LRP1B: variants seen among roughly 807,000 people sequenced by gnomAD.
LRP1B encodes the protein LDL receptor related protein 1B.
In LRP1B, 217 loss-of-function variants were observed where a neutral mutation model predicts 556.6. The ratio of observed to expected loss-of-function variants is 0.39; its 90% CI spans 0.35 to 0.44. The LOEUF (loss-of-function observed/expected upper bound fraction) is 0.44, where lower values mean the gene tolerates loss of function less well. Ranked by LOEUF, LRP1B falls within the 20% of genes least tolerant of loss-of-function variation. The pLI is 1.00. For synonymous variants in LRP1B, 2,047 were observed against 1,865.8 expected, an observed-to-expected ratio of 1.10 and a Z score of -2.50; for missense variants, 5,053 against 5,620.8, an observed-to-expected ratio of 0.90 and a Z score of 3.23.
intron 3 of LRP1B, among the ~76,000 whole-genome samples, chr2:141,264,376 T>C (rs1256523093): frequency 1.3e-5 from 2 of 152,224 alleles, no homozygotes; most frequent in Non-Finnish European, 2.9e-5. Flanking sequence ...ATAATTTAGC[T>C]GTAATAAGGT....
At chr2:141,758,810 T>G (rs1694416871) in intron 2 of LRP1B, among the ~76,000 whole-genome samples, 1 of 152,142 alleles carries the variant, frequency 6.6e-6, no homozygotes, top group South Asian at 2.1e-4. Flanking sequence ...TTAAAAAGTG[T>G]CTCATTTAAA....
chr2:141,158,470 A>T (rs909632296), intron 7 of LRP1B, among the ~76,000 whole-genome samples: 2 of 152,170 alleles, frequency 1.3e-5, no homozygotes, highest in African/African-American at 4.8e-5. Flanking sequence ...AGAAAGCAGC[A>T]CTACTGGCAC....
At chr2:141,096,544 T>C (rs1317433231) in intron 7 of LRP1B, among the ~76,000 whole-genome samples, 1 of 151,554 alleles carries the variant, frequency 6.6e-6, no homozygotes, top group East Asian at 2.0e-4. Flanking sequence ...TCTGTGATTA[T>C]GCATCACACC....
intron 27 of LRP1B, among the ~76,000 whole-genome samples, chr2:140,852,419 A>G (rs920865890): frequency 3.3e-5 from 5 of 152,190 alleles, no homozygotes; most frequent in African/African-American, 7.2e-5. Flanking sequence ...TATAAAATAA[A>G]CTAAGATAGA....
rs182976360 is a variant in LRP1B, at chr2:141,502,461, T to C, written c.206-21928A>G. Among the ~76,000 whole-genome samples, 79 of 152,298 alleles carry C rather than the reference T, an allele frequency of 5.2e-4. 1 individual carries two copies. Among genetic ancestry groups the C allele is most frequent in the Admixed American group, 2.4e-3 (37 of 15,288 alleles). On this transcript the variant is annotated intron_variant, in intron 2 of 90. Transcript: ENST00000389484. ...CTTGAGACCTAACAAAATTACTTGA[T>C]TTAAAATAAAAGGTTACGATCTCAT...
At chr2:141,855,436 G>C (rs1056246534) in intron 1 of LRP1B, among the ~76,000 whole-genome samples, 3 of 152,098 alleles carry the variant, frequency 2.0e-5, no homozygotes, top group African/African-American at 7.2e-5. Context: ...TTGAGCAGAG[G>C]CTAGTGAGAA....
At chr2:140,826,144 G>A (rs1405069436) in intron 31 of LRP1B, among the ~76,000 whole-genome samples, 1 of 152,076 alleles carries the variant, frequency 6.6e-6, no homozygotes, top group Non-Finnish European at 1.5e-5. Context: ...CCTGCCTAAG[G>A]GCTAGCCAGT....
chr2:141,304,665 T>C (rs1421669757), intron 3 of LRP1B, among the ~76,000 whole-genome samples: 2 of 150,976 alleles, frequency 1.3e-5, no homozygotes, highest in East Asian at 1.9e-4. Flanking sequence ...TCTATATATA[T>C]ATATTTTTTA....
intron 53 of LRP1B, among the ~76,000 whole-genome samples, chr2:140,505,023 T>C (rs1346398119): frequency 6.6e-6 from 1 of 152,176 alleles, no homozygotes; most frequent in Non-Finnish European, 1.5e-5. Context: ...ACACTTTATT[T>C]CAGCCTTTTT....
At chr2:140,264,103 A>G (rs1355089365) in intron 86 of LRP1B, among the ~76,000 whole-genome samples, 1 of 152,060 alleles carries the variant, frequency 6.6e-6, no homozygotes, top group African/African-American at 2.4e-5. Flanking sequence ...GTTCATTCAC[A>G]TGGCCATCAC....
chr2:141,126,407 G>T (rs572078202), intron 7 of LRP1B, among the ~76,000 whole-genome samples: 18 of 152,252 alleles, frequency 1.2e-4, no homozygotes, highest in Non-Finnish European at 2.1e-4. Flanking sequence ...GCACTCAGTA[G>T]AAACTCATTG....
At position 141,764,244 on chromosome 2, in the gene LRP1B, G is replaced by A. The variant is rs564180116; in HGVS notation, c.205+46035C>T. 4.6e-5 allele frequency among the ~76,000 whole-genome samples: 7 copies of A among 152,050 alleles called. No individual in the cohort carries two copies. In the East Asian group the frequency reaches 1.2e-3, roughly 25 times the overall value. On this transcript the variant is annotated intron_variant, in intron 2 of 90. Coordinates refer to ENST00000389484, the MANE Select transcript of LRP1B (RefSeq NM_018557.3). ...CGCCCAGGCTGGAGTGCAGTGGGGC[G>A]ATCTCGGCTCACTGCAAGCTCCGCC...
chr2:141,190,994 C>T (rs1473992343), intron 6 of LRP1B, among the ~76,000 whole-genome samples: 4 of 151,930 alleles, frequency 2.6e-5, no homozygotes, highest in Non-Finnish European at 5.9e-5. Flanking sequence ...TGAGAGGTGA[C>T]CTCCCTACCT....
intron 2 of LRP1B, among the ~76,000 whole-genome samples, chr2:141,646,657 G>A (rs561332663): frequency 1.4e-4 from 21 of 152,122 alleles, no homozygotes; most frequent in South Asian, 2.1e-4. Context: ...GCAGGGAACC[G>A]TATAAATAGT....
intron 33 of LRP1B, among the ~76,000 whole-genome samples, chr2:140,775,765 G>A (rs1310023742): frequency 6.6e-6 from 1 of 152,072 alleles, no homozygotes; most frequent in South Asian, 2.1e-4. Flanking sequence ...AAGTCCCCTA[G>A]TTCATTCAGA....
At position 141,854,820 on chromosome 2, in the gene LRP1B, CAT is replaced by C. The variant is rs546713657; in HGVS notation, c.83-44421_83-44420del. Among the ~76,000 whole-genome samples the C allele has an allele frequency of 3.3e-5, 5 of 151,998 alleles. No homozygotes were observed. The South Asian group carries it at 1.0e-3, about 31-fold the overall frequency. On this transcript the variant is annotated intron_variant, in intron 1 of 90. Coordinates refer to ENST00000389484, the MANE Select transcript of LRP1B (RefSeq NM_018557.3). ...AGTTTTTAGAAGTTAGCATAGAAAA[CAT>C]ATTATCTGTACCTATTATTTTCTTT... is the stretch of plus-strand genomic sequence containing the variant.
chr2:141,140,408 T>A (rs1701618654), intron 7 of LRP1B, among the ~76,000 whole-genome samples: 1 of 152,144 alleles, frequency 6.6e-6, no homozygotes, highest in Admixed American at 6.6e-5. Flanking sequence ...TGGGTGCTGT[T>A]ATGGACTGAA....
At chr2:140,370,938 T>C (rs2105165982) in intron 70 of LRP1B, 96 bp from the exon 71 acceptor site, 1 of 1,302,198 alleles carries the variant, frequency 7.7e-7, no homozygotes, top group Non-Finnish European at 1.1e-6. Context: ...AGAGCTTTAT[T>C]ATACCATGGG....
At chr2:142,034,285 G>A (rs936684559) in intron 1 of LRP1B, among the ~76,000 whole-genome samples, 8 of 151,576 alleles carry the variant, frequency 5.3e-5, no homozygotes, top group African/African-American at 9.7e-5. Context: ...GTGCATTTTC[G>A]AATAAACTAT....
Sources: allele counts gnomAD v4.1 joint callset (sites outside exome capture counted in the v4.1 genomes callset), GRCh38; gene constraint gnomAD v4.1.1; transcripts MANE v1.5; gene names NCBI Gene and HGNC (gene_info 2026-07-23, HGNC 2026-07-21).